Variants in BEND4 observed in about 807,000 individuals in gnomAD.
BEND4 encodes the protein BEN domain-containing protein 4.
A neutral mutation model predicts 54.7 loss-of-function variants in BEND4; 27 were observed. That is an observed-to-expected ratio of 0.49 (90% confidence interval 0.36 to 0.68). BEND4 has a LOEUF of 0.68. BEND4 is among the 30% of genes least tolerant of loss of function. The probability of loss-of-function intolerance (pLI) is 0.00; values close to 1 mark genes in which losing one functional copy is unlikely to be tolerated. For missense variants in BEND4, 702 were observed against 697.2 expected (o/e 1.01, Z -0.08); for synonymous variants, 327 against 299.5 (o/e 1.09, Z -0.95).
rs1196839912 is a variant in BEND4 at position 42,147,521 on chromosome 4, A to C, written c.488-3527T>G. On this transcript the variant is annotated intron_variant, in intron 2 of 5. Coordinates refer to ENST00000502486, the MANE Select transcript of BEND4 (RefSeq NM_207406.4). The stretch of plus-strand genomic sequence containing the variant: ...TTTTTGTTAAGTCATAGAATGCTCC[A>C]CTCAAGTGATGGCAGGGAAAGAGAA... 5.1e-5 allele frequency among the ~76,000 whole-genome samples: 7 copies of C among 136,988 alleles called. No homozygotes were observed. In the East Asian group the frequency reaches 1.4e-3, roughly 28 times the overall value. The allele number at this position is 136,988 out of a possible 152,430, so 89.9% of individuals were successfully genotyped here. A position where few individuals can be genotyped will look rare whatever the true frequency, so the allele number is the denominator to read the frequency against.
intron 4 of BEND4, among the ~76,000 whole-genome samples, chr4:42,122,324 T>C (rs1470797471): frequency 1.3e-5 from 2 of 152,104 alleles, no homozygotes; most frequent in Admixed American, 6.5e-5. Context: ...TGGTTTGTGG[T>C]GAGGAGACCA....
intron 3 of BEND4, among the ~76,000 whole-genome samples, chr4:42,126,149 C>G (rs1049856637): frequency 6.6e-6 from 1 of 152,130 alleles, no homozygotes; most frequent in South Asian, 2.1e-4. Context: ...AAATACAGAA[C>G]AGATGCTATA....
In BEND4 at chr4:42,151,754, AGAC is replaced by A. The variant is rs998855405; in HGVS notation, c.387_389del (p.Ser131del). Reference sequence around the variant, plus strand: ...CATACCTGACGACAGCGGCGAACGAAGACGACGAGGAGGCGGCGGGGGACGCGG... The same window carrying A: ...CATACCTGACGACAGCGGCGAACGAAGACGAGGAGGCGGCGGGGGACGCGG... On this transcript the variant is annotated inframe_deletion, in exon 2 of 6. Transcript: ENST00000502486. The A allele has an allele frequency of 2.0e-6, 3 of 1,500,010 alleles. No individual in the cohort carries two copies. Among genetic ancestry groups the A allele is most frequent in the African/African-American group, 2.9e-5 (2 of 68,360 alleles). The allele number at this position is 1,500,010 out of a possible 1,614,324, so 92.9% of individuals were successfully genotyped here.
rs571194775 is a variant in BEND4 at position 42,151,883 on chromosome 4, G to C, written c.261C>G (p.Pro87=). ...CGGCGGCGGCCCGGCCGGGCCCGGG[G>C]GGGTAGGAGCTCTGCGCCTGGAACT... The part of the protein sequence containing the change: ...PQQFQAQSSY[P]PGPGRAAAAA... Residue 87 remains proline (P), a synonymous_variant, in exon 2 of 6, where the codon CCC becomes CCG. Transcript: ENST00000502486. 1.4e-3 allele frequency: 1,841 copies of C among 1,305,782 alleles called. 33 individuals are homozygous for C. The African/African-American group carries it at 0.025, about 18-fold the overall frequency. 80.9% of individuals were successfully genotyped at this position (1,305,782 alleles called of 1,614,324 possible). A position where few individuals can be genotyped will look rare whatever the true frequency, so the allele number is the denominator to read the frequency against.
intron 3 of BEND4, among the ~76,000 whole-genome samples, chr4:42,127,010 A>G (rs1165125980): frequency 1.3e-5 from 2 of 152,234 alleles, no homozygotes; most frequent in African/African-American, 2.4e-5. Flanking sequence ...AATAATAAAT[A>G]TTTAACCTAA....
intron 2 of BEND4, among the ~76,000 whole-genome samples, chr4:42,148,077 A>G (rs1048322508): frequency 2.0e-5 from 3 of 152,208 alleles, no homozygotes; most frequent in East Asian, 1.9e-4. Flanking sequence ...TCATGTATTC[A>G]TATGTTATAT....
chr4:42,142,553 T>C (rs1720925206), intron 3 of BEND4, among the ~76,000 whole-genome samples: 1 of 147,008 alleles, frequency 6.8e-6, no homozygotes, highest in Non-Finnish European at 1.5e-5. Flanking sequence ...GAATTGCTTG[T>C]ACCCAGGAGA....
rs774565532 is a variant in BEND4 at position 42,144,035 on chromosome 4, C to T, written c.488-41G>A. Reference sequence around the variant, plus strand: ...GGACACATCAGTGACCAACAGCCAACGGCAAAAGATAAATAAAGTCCTCAA... The same window carrying T: ...GGACACATCAGTGACCAACAGCCAATGGCAAAAGATAAATAAAGTCCTCAA... On this transcript the variant is annotated intron_variant, in intron 2 of 5. Coordinates refer to ENST00000502486, the MANE Select transcript of BEND4 (RefSeq NM_207406.4). 5.4e-5 allele frequency: 77 copies of T among 1,432,788 alleles called. 1 individual carries two copies. The South Asian group carries it at 5.7e-4, about 11-fold the overall frequency. 88.8% of individuals were successfully genotyped at this position (1,432,788 alleles called of 1,614,324 possible). A position where few individuals can be genotyped will look rare whatever the true frequency, so the allele number is the denominator to read the frequency against.
At chr4:42,150,081 G>A (rs372009856) in intron 2 of BEND4, among the ~76,000 whole-genome samples, 3 of 151,960 alleles carry the variant, frequency 2.0e-5, no homozygotes, top group Non-Finnish European at 4.4e-5. Context: ...TGCTGGCAAA[G>A]AACATAAAAA....
In BEND4 at chr4:42,143,492, C is replaced by T. The variant is rs1199968590; in HGVS notation, c.990G>A (p.Glu330=). Residue 330 remains glutamate (E), a synonymous_variant, in exon 3 of 6, where the codon GAG becomes GAA. Transcript: ENST00000502486. ...EGYCPRCQEL[E]QEVISLQQEN... Reference sequence around the variant, plus strand: ...CTTGTTGCAGTGAAATAACCTCCTGCTCCAGCTCTTGGCATCGAGGACAAT... The same window carrying T: ...CTTGTTGCAGTGAAATAACCTCCTGTTCCAGCTCTTGGCATCGAGGACAAT... The T allele has an allele frequency of 6.4e-7, 1 of 1,552,416 alleles. No individual in the cohort carries two copies. Among genetic ancestry groups the T allele is most frequent in the East Asian group, 2.4e-5 (1 of 40,926 alleles).
intron 3 of BEND4, among the ~76,000 whole-genome samples, chr4:42,131,851 TG>T (rs1489587898): frequency 1.3e-5 from 2 of 150,896 alleles, no homozygotes; most frequent in African/African-American, 4.9e-5. Flanking sequence ...CTTCACCAAA[TG>T]TCCTCCCATC....
At chr4:42,134,432 C>A (rs1360296158) in intron 3 of BEND4, among the ~76,000 whole-genome samples, 1 of 152,156 alleles carries the variant, frequency 6.6e-6, no homozygotes, top group African/African-American at 2.4e-5. Flanking sequence ...AAACAATGAG[C>A]TTTAAGTATT....
At chr4:42,142,727 T>C (rs911017692) in intron 3 of BEND4, among the ~76,000 whole-genome samples, 3 of 150,046 alleles carry the variant, frequency 2.0e-5, no homozygotes, top group Admixed American at 2.0e-4. Context: ...GCCAGAAAGA[T>C]GATTTTACTA....
chr4:42,136,159 G>A (rs570200343), intron 3 of BEND4, among the ~76,000 whole-genome samples: 9 of 152,206 alleles, frequency 5.9e-5, no homozygotes, highest in Non-Finnish European at 1.0e-4. Flanking sequence ...ATCAGAAACC[G>A]ACCTAAGCAT....
chr4:42,141,954 G>T (rs1358733300), intron 3 of BEND4, among the ~76,000 whole-genome samples: 1 of 151,822 alleles, frequency 6.6e-6, no homozygotes, highest in African/African-American at 2.4e-5. Context: ...ACCCAGGCTG[G>T]AGTGCAGAGG....
At chr4:42,123,103 A>G (rs1348410673) in intron 4 of BEND4, among the ~76,000 whole-genome samples, 1 of 152,248 alleles carries the variant, frequency 6.6e-6, no homozygotes, top group Non-Finnish European at 1.5e-5. Flanking sequence ...AGAAAAAGGG[A>G]AAGAAAAAGA....
chr4:42,121,352 A>G (rs906817252), intron 4 of BEND4, among the ~76,000 whole-genome samples: 3 of 152,174 alleles, frequency 2.0e-5, no homozygotes, highest in Non-Finnish European at 4.4e-5. Flanking sequence ...CTGCGCGTGG[A>G]GACTCATCAC....
At chr4:42,120,626 TC>T (rs1163627161) in intron 4 of BEND4, among the ~76,000 whole-genome samples, 10 of 152,198 alleles carry the variant, frequency 6.6e-5, no homozygotes, top group African/African-American at 2.2e-4. Flanking sequence ...TCCTTTTCAA[TC>T]TATTAAAATA....
At chr4:42,119,977 A>G (rs1299184620) in intron 5 of BEND4, 77 bp downstream of exon 5, 1 of 1,565,298 alleles carries the variant, frequency 6.4e-7, no homozygotes, top group Non-Finnish European at 8.8e-7. Context: ...AAGGCTGAAC[A>G]CTTGTACGGG....
Sources: allele counts gnomAD v4.1 joint callset (sites outside exome capture counted in the v4.1 genomes callset), GRCh38; gene constraint gnomAD v4.1.1; transcripts MANE v1.5; gene names NCBI Gene and HGNC (gene_info 2026-07-23, HGNC 2026-07-21).